MIOS: variants seen among roughly 807,000 people sequenced by gnomAD.
MIOS encodes the protein meiosis regulator for oocyte development, also known as GATOR2 complex protein MIOS.
Under a neutral mutation model 96.9 loss-of-function variants are expected in MIOS, and 52 were observed. That is an observed-to-expected ratio of 0.54 (90% CI 0.43 to 0.68). MIOS has a LOEUF of 0.68. MIOS is among the 30% of genes least tolerant of loss of function. MIOS has a pLI of 0.00. For synonymous variants in MIOS, 397 were observed against 359.5 expected, an observed-to-expected ratio of 1.10 and a Z score of -1.18; for missense variants, 1,005 against 1,052.8, an observed-to-expected ratio of 0.95 and a Z score of 0.63.
At chr7:7,589,020 G>T (rs1426184257) in intron 8 of MIOS, among the ~76,000 whole-genome samples, 1 of 152,080 alleles carries the variant, frequency 6.6e-6, no homozygotes, top group Non-Finnish European at 1.5e-5. Context: ...AGTCAGGGAA[G>T]ACCTAAAGGA....
chr7:7,593,946 G>C lies in MIOS; in HGVS notation c.2044-1034G>C, dbSNP rs755018212. On this transcript the variant is annotated intron_variant, in intron 9 of 12. Transcript: ENST00000340080. ...CTAAAGCAAGCATAGATGAAATGTG[G>C]AATGTCACAGCTGCCAGGGAAAATA... Among the ~76,000 whole-genome samples the C allele has an allele frequency of 2.0e-5, 3 of 151,426 alleles. No individual in the cohort carries two copies. The East Asian group carries it at 5.8e-4, about 29-fold the overall frequency.
At chr7:7,570,949 T>C (rs1783331389) in intron 3 of MIOS, among the ~76,000 whole-genome samples, 1 of 152,184 alleles carries the variant, frequency 6.6e-6, no homozygotes, top group South Asian at 2.1e-4. Context: ...TATGAGTCTA[T>C]GAAGTTTTAG....
At chr7:7,591,917 G>T (rs572022192) in intron 9 of MIOS, among the ~76,000 whole-genome samples, 4 of 151,580 alleles carry the variant, frequency 2.6e-5, no homozygotes, top group African/African-American at 7.3e-5. Context: ...CATAGTGTTC[G>T]TAGGTGCCTG....
At chr7:7,582,882 A>T (rs985049323) in intron 5 of MIOS, 1 of 440,840 alleles carries the variant, frequency 2.3e-6, no homozygotes, top group Non-Finnish European at 3.8e-6. Flanking sequence ...AACTCAGTTT[A>T]GTCCATCTGA....
At chr7:7,591,569 C>G (rs1234850603) in intron 9 of MIOS, among the ~76,000 whole-genome samples, 1 of 152,112 alleles carries the variant, frequency 6.6e-6, no homozygotes, top group African/African-American at 2.4e-5. Flanking sequence ...CATGAGCCAC[C>G]ACGCCCAGCC....
In MIOS at chr7:7,583,234, A is replaced by T; in HGVS notation, c.1510A>T (p.Thr504Ser). The T allele has an allele frequency of 2.5e-6, 4 of 1,614,160 alleles. No individual in the cohort carries two copies. Among genetic ancestry groups the T allele is most frequent in the Non-Finnish European group, 3.4e-6 (4 of 1,180,012 alleles). ...LQLCGWIKKGTDVDVGPFLNS... is the reference protein window; with the variant it reads ...LQLCGWIKKGSDVDVGPFLNS... Reference sequence around the variant, plus strand: ...GCTTTGTGGGTGGATAAAGAAAGGAACGGATGTAGACGTGGGGCCATTTTT... The same window carrying T: ...GCTTTGTGGGTGGATAAAGAAAGGATCGGATGTAGACGTGGGGCCATTTTT... The change falls in exon 6 of 13, where the codon ACG (threonine) becomes TCG (serine). Residue 504 changes from threonine (T) to serine (S), a missense_variant. Coordinates refer to ENST00000340080, the MANE Select transcript of MIOS (RefSeq NM_019005.4).
intron 9 of MIOS, among the ~76,000 whole-genome samples, chr7:7,592,131 G>A (rs1220044422): frequency 1.3e-5 from 2 of 152,142 alleles, no homozygotes; most frequent in Non-Finnish European, 2.9e-5. Context: ...TGGGATTACA[G>A]GCATGTGCCA....
rs150918193 is a variant in MIOS at position 7,607,535 on chromosome 7, C to T, written c.*443C>T. ...TTTAAGTTCAGCTGTGCTTAGATTT[C>T]TTTCAGATTAATTTAAAATTACAGA... is the stretch of plus-strand genomic sequence containing the variant. On this transcript the variant is annotated 3_prime_UTR_variant, in exon 13 of 13. Transcript: ENST00000340080. The T allele has an allele frequency of 5.5e-3, 843 of 153,380 alleles. 8 individuals carry two copies. The highest frequency in any genetic ancestry group is 0.019 in the African/African-American group (802 of 41,450). 9.5% of individuals were successfully genotyped at this position (153,380 alleles called of 1,614,324 possible).
chr7:7,595,052 G>T lies in MIOS; in HGVS notation c.2116G>T (p.Ala706Ser). 1 of 1,613,910 alleles carries T rather than the reference G, an allele frequency of 6.2e-7. No individual in the cohort carries two copies. Among genetic ancestry groups the T allele is most frequent in the Non-Finnish European group, 8.5e-7 (1 of 1,179,840 alleles). Residue 706 changes from alanine to serine, a missense_variant, in exon 10 of 13, where the codon GCC (alanine) becomes TCC (serine). Coordinates refer to ENST00000340080, the MANE Select transcript of MIOS (RefSeq NM_019005.4). The stretch of plus-strand genomic sequence containing the variant: ...TGAGAATTATAGAAATTTATTAGAT[G>T]CCTGGAGGTTTTGGCATAAACGAGC... ...WIENYRNLLD[A>S]WRFWHKRAEF...
intron 3 of MIOS, among the ~76,000 whole-genome samples, chr7:7,570,181 T>G (rs1258076765): frequency 6.6e-6 from 1 of 152,134 alleles, no homozygotes. Context: ...TTTACTGAAA[T>G]CAGTTTTCAG....
At chr7:7,606,500 G>C (rs1406670633) in intron 12 of MIOS, among the ~76,000 whole-genome samples, 1 of 152,100 alleles carries the variant, frequency 6.6e-6, no homozygotes, top group African/African-American at 2.4e-5. Flanking sequence ...AGACATATTT[G>C]AATTTCATTT....
intron 10 of MIOS, 127 bp from the exon 11 acceptor site, chr7:7,596,130 C>A: frequency 1.3e-6 from 1 of 798,884 alleles, no homozygotes; most frequent in Non-Finnish European, 1.9e-6. Flanking sequence ...CTTAGCAGAT[C>A]AATTTTGAAA....
chr7:7,567,852 A>G (rs1233946368), intron 2 of MIOS, among the ~76,000 whole-genome samples, 164 bp downstream of exon 2: 1 of 152,258 alleles, frequency 6.6e-6, no homozygotes, highest in African/African-American at 2.4e-5. Context: ...TGCCAAAAAA[A>G]CGTAAAAATC....
At chr7:7,604,851 A>G (rs1340645662) in intron 11 of MIOS, among the ~76,000 whole-genome samples, 1 of 152,198 alleles carries the variant, frequency 6.6e-6, no homozygotes, top group African/African-American at 2.4e-5. Context: ...AGCACTAATG[A>G]GAGCTTTACA....
intron 5 of MIOS, chr7:7,581,994 A>C (rs1783743823): frequency 7.2e-6 from 1 of 139,684 alleles, no homozygotes; most frequent in Non-Finnish European, 1.5e-5. Flanking sequence ...GGAGGGGTTT[A>C]CACAAGAGTG....
At chr7:7,599,692 A>G (rs919789436) in intron 11 of MIOS, among the ~76,000 whole-genome samples, 3 of 152,172 alleles carry the variant, frequency 2.0e-5, no homozygotes, top group Admixed American at 6.5e-5. Flanking sequence ...CTGATAAGAA[A>G]CAGTAGGAAA....
chr7:7,582,547 A>T, intron 5 of MIOS: 1 of 646,098 alleles, frequency 1.5e-6, no homozygotes, highest in Non-Finnish European at 1.9e-6. Context: ...CCCTCAAGTT[A>T]GTCCCATTAT....
chr7:7,602,238 A>C (rs1200048614), intron 11 of MIOS, among the ~76,000 whole-genome samples: 1 of 152,206 alleles, frequency 6.6e-6, no homozygotes, highest in Non-Finnish European at 1.5e-5. Flanking sequence ...ATCAGACAGG[A>C]GAAGGAAATA....
intron 5 of MIOS, among the ~76,000 whole-genome samples, chr7:7,578,099 G>C (rs61631129): frequency 0.021 from 3,211 of 152,210 alleles, 92 homozygotes; most frequent in African/African-American, 0.073. Flanking sequence ...TTTTGGAGGA[G>C]GACAGTTTCA....
Sources: allele counts gnomAD v4.1 joint callset (sites outside exome capture counted in the v4.1 genomes callset), GRCh38; gene constraint gnomAD v4.1.1; transcripts MANE v1.5; gene names NCBI Gene and HGNC (gene_info 2026-07-23, HGNC 2026-07-21).